RAB3GAP2: variants seen among roughly 807,000 people sequenced by gnomAD.
RAB3GAP2 encodes the protein rab3 GTPase-activating protein non-catalytic subunit.
RAB3GAP2 carries 87 observed loss-of-function variants against 185.3 expected under a neutral mutation model. That is an observed-to-expected ratio of 0.47 (90% CI 0.39 to 0.56). RAB3GAP2 has a LOEUF of 0.56. RAB3GAP2 is among the 20% of genes least tolerant of loss of function. The probability of loss-of-function intolerance (pLI) is 0.00; values close to 1 mark genes in which losing one functional copy is unlikely to be tolerated. For missense variants in RAB3GAP2, 1,492 were observed against 1,638.2 expected, an observed-to-expected ratio of 0.91 and a Z score of 1.54; for synonymous variants, 554 against 576.1, an observed-to-expected ratio of 0.96 and a Z score of 0.55.
chr1:220,178,284 T>C (rs1231315821), intron 21 of RAB3GAP2, among the ~76,000 whole-genome samples: 1 of 151,444 alleles, frequency 6.6e-6, no homozygotes, highest in South Asian at 2.1e-4. Flanking sequence ...ACCTATCCTA[T>C]AAGAAATGTG....
At chr1:220,159,281 G>A (rs900712918) in intron 29 of RAB3GAP2, 105 bp downstream of exon 29, 8 of 931,056 alleles carry the variant, frequency 8.6e-6, no homozygotes, top group African/African-American at 6.5e-5. Context: ...CTTCTGATAC[G>A]TCATCACAAT....
At chr1:220,215,610 A>G (rs1375191146) in intron 2 of RAB3GAP2, among the ~76,000 whole-genome samples, 1 of 151,930 alleles carries the variant, frequency 6.6e-6, no homozygotes, top group African/African-American at 2.4e-5. Context: ...CTTTGTATAC[A>G]CTCTTTACAT....
intron 9 of RAB3GAP2, among the ~76,000 whole-genome samples, chr1:220,198,769 C>G (rs893310497): frequency 6.6e-6 from 1 of 152,002 alleles, no homozygotes; most frequent in African/African-American, 2.4e-5. Flanking sequence ...TAGAATTTTC[C>G]CTGAGCGTCT....
intron 13 of RAB3GAP2, among the ~76,000 whole-genome samples, chr1:220,192,258 T>C (rs2102870355): frequency 6.6e-6 from 1 of 152,188 alleles, no homozygotes; most frequent in East Asian, 1.9e-4. Context: ...TACTGAGACA[T>C]GTAGTAGGTA....
At chr1:220,269,118 T>G (rs1226917725) in intron 1 of RAB3GAP2, among the ~76,000 whole-genome samples, 1 of 152,198 alleles carries the variant, frequency 6.6e-6, no homozygotes, top group Non-Finnish European at 1.5e-5. Flanking sequence ...ACTTTAGATC[T>G]AGATCAGGTG....
chr1:220,215,718 T>C (rs1659187500), intron 2 of RAB3GAP2, among the ~76,000 whole-genome samples: 1 of 152,136 alleles, frequency 6.6e-6, no homozygotes, highest in African/African-American at 2.4e-5. Context: ...AAATTTTTTA[T>C]TGTCATGTGG....
chr1:220,162,829 G>T (rs1657986818), intron 27 of RAB3GAP2, among the ~76,000 whole-genome samples: 1 of 151,974 alleles, frequency 6.6e-6, no homozygotes, highest in Non-Finnish European at 1.5e-5. Flanking sequence ...CCAAACACTA[G>T]AAACAATCCC....
At chr1:220,195,741 A>C (rs954948971) in intron 10 of RAB3GAP2, among the ~76,000 whole-genome samples, 1 of 152,210 alleles carries the variant, frequency 6.6e-6, no homozygotes, top group Non-Finnish European at 1.5e-5. Context: ...ATATATATGC[A>C]CACACATATA....
At chr1:220,216,069 T>C (rs1571905766) in intron 2 of RAB3GAP2, among the ~76,000 whole-genome samples, 2 of 152,096 alleles carry the variant, frequency 1.3e-5, no homozygotes, top group African/African-American at 2.4e-5. Context: ...AAAAAAAATA[T>C]GGGTTACAGG....
chr1:220,199,772 T>G (rs1658807534), intron 9 of RAB3GAP2, among the ~76,000 whole-genome samples: 1 of 152,200 alleles, frequency 6.6e-6, no homozygotes, highest in Admixed American at 6.5e-5. Flanking sequence ...AAACCCTTAA[T>G]TCTTTCCTTC....
At chr1:220,228,391 A>T (rs1019844346) in intron 2 of RAB3GAP2, among the ~76,000 whole-genome samples, 5 of 152,232 alleles carry the variant, frequency 3.3e-5, no homozygotes, top group African/African-American at 1.2e-4. Context: ...TCAGCTGAGT[A>T]GATTTCTAAT....
At chr1:220,172,132 A>G in intron 22 of RAB3GAP2, 83 bp from the exon 23 acceptor site, 1 of 1,373,712 alleles carries the variant, frequency 7.3e-7, no homozygotes, top group Non-Finnish European at 1.0e-6. Flanking sequence ...ACATAATGTT[A>G]AAACTAAGTT....
At chr1:220,191,803 A>G (rs978883546) in intron 13 of RAB3GAP2, among the ~76,000 whole-genome samples, 3 of 151,526 alleles carry the variant, frequency 2.0e-5, no homozygotes, top group African/African-American at 7.3e-5. Flanking sequence ...GGGCAACAAG[A>G]GCGAAACTCT....
intron 2 of RAB3GAP2, among the ~76,000 whole-genome samples, chr1:220,214,761 C>T (rs772665927): frequency 5.3e-5 from 8 of 151,224 alleles, no homozygotes; most frequent in Non-Finnish European, 1.2e-4. Context: ...ATAGGTAAAT[C>T]CCCATGGTTA....
In RAB3GAP2 at chr1:220,191,139, C is replaced by T. The variant is rs761642331; in HGVS notation, c.1416G>A (p.Arg472=). 2 of 1,614,058 alleles carry T rather than the reference C, an allele frequency of 1.2e-6. No individual in the cohort carries two copies. The highest frequency in any genetic ancestry group is 1.7e-6 in the Non-Finnish European group (2 of 1,179,990). ...GTGTGCTCCACACTTCTAAAATTCCCCTTCTTGGCGCATAGATCACAAGGA... is the reference window on the plus strand; with the variant it reads ...GTGTGCTCCACACTTCTAAAATTCCTCTTCTTGGCGCATAGATCACAAGGA... The part of the protein sequence containing the change: ...AQFLVIYAPR[R]GILEVWSTQQ... Residue 472 remains arginine (R), a synonymous_variant, in exon 14 of 35, where the codon AGG becomes AGA. Transcript: ENST00000358951.
chr1:220,255,191 C>A (rs1251526013), intron 1 of RAB3GAP2, among the ~76,000 whole-genome samples: 1 of 150,458 alleles, frequency 6.6e-6, no homozygotes, highest in Non-Finnish European at 1.5e-5. Flanking sequence ...TAAATTTTTT[C>A]TTTAAATTTC....
chr1:220,246,697 A>T (rs1291070962), intron 1 of RAB3GAP2, among the ~76,000 whole-genome samples: 1 of 132,868 alleles, frequency 7.5e-6, no homozygotes, highest in Non-Finnish European at 1.6e-5. Context: ...GCATATTCTC[A>T]CTCATAGGTG....
At chr1:220,271,711 G>A (rs1377596436) in intron 1 of RAB3GAP2, among the ~76,000 whole-genome samples, 1 of 151,984 alleles carries the variant, frequency 6.6e-6, no homozygotes, top group African/African-American at 2.4e-5. Flanking sequence ...AGTGTGGGGG[G>A]ATGATCAACA....
intron 2 of RAB3GAP2, among the ~76,000 whole-genome samples, chr1:220,230,510 G>T (rs2102890553): frequency 6.6e-6 from 1 of 152,250 alleles, no homozygotes; most frequent in East Asian, 1.9e-4. Context: ...TTCTCCTAGA[G>T]GTCTTCTGAA....
Sources: gnomAD v4.1 joint callset for allele counts (sites outside exome capture counted in the v4.1 genomes callset) on GRCh38, gnomAD v4.1.1 for gene constraint, MANE v1.5 for transcripts, NCBI Gene and HGNC (gene_info 2026-07-23, HGNC 2026-07-21) for gene names.